Variants in SETD7 observed in about 807,000 individuals in gnomAD.
SETD7 encodes SET domain containing 7, histone lysine methyltransferase, also known as histone-lysine N-methyltransferase SETD7.
Under a neutral mutation model 41.8 loss-of-function variants are expected in SETD7, and 16 were observed. The observed-to-expected ratio is 0.38, with a 90% CI of 0.26 to 0.58. SETD7 has a LOEUF of 0.58. SETD7 is among the 20% of genes least tolerant of loss of function. The pLI, the probability that SETD7 is intolerant of heterozygous loss-of-function variation, is 0.64. For synonymous variants in SETD7, 163 were observed against 169.7 expected (o/e 0.96, Z 0.31); for missense variants, 346 against 459.7 (o/e 0.75, Z 2.26).
In SETD7 at chr4:139,511,543, G is replaced by C; in HGVS notation, c.*120C>G. The C allele has an allele frequency of 6.4e-7, 1 of 1,559,808 alleles. No homozygotes were observed. The highest frequency in any genetic ancestry group is 1.2e-5 in the South Asian group (1 of 83,312). Reference sequence around the variant, plus strand: ...AGTATGCGAGAAAGTCGTTGCTAACGCATGGTGAGAGGATGTGACGTCACA... The same window carrying C: ...AGTATGCGAGAAAGTCGTTGCTAACCCATGGTGAGAGGATGTGACGTCACA... On this transcript the variant is annotated 3_prime_UTR_variant, in exon 8 of 8. Coordinates refer to ENST00000274031, the MANE Select transcript of SETD7 (RefSeq NM_030648.4).
At chr4:139,545,716 A>G (rs528593250) in intron 2 of SETD7, among the ~76,000 whole-genome samples, 197 of 152,300 alleles carry the variant, frequency 1.3e-3, no homozygotes, top group African/African-American at 4.6e-3. Flanking sequence ...GCCTGCAGAA[A>G]AGGGATTCTG....
chr4:139,524,655 G>C (rs1291048989), intron 4 of SETD7, among the ~76,000 whole-genome samples: 1 of 152,218 alleles, frequency 6.6e-6, no homozygotes, highest in East Asian at 1.9e-4. Flanking sequence ...GCCAAACTCA[G>C]ACAGAAGTCA....
At chr4:139,515,950 A>G (rs1380937744) in intron 7 of SETD7, among the ~76,000 whole-genome samples, 3 of 152,218 alleles carry the variant, frequency 2.0e-5, no homozygotes, top group African/African-American at 7.2e-5. Flanking sequence ...CAAGCTAAGG[A>G]GAGCAACGAT....
At chr4:139,533,740 G>T (rs1486431335) in intron 2 of SETD7, among the ~76,000 whole-genome samples, 1 of 152,352 alleles carries the variant, frequency 6.6e-6, no homozygotes, top group East Asian at 1.9e-4. Context: ...TCCCTCAAGA[G>T]TGCTCCAGAA....
rs924654951 is a variant in SETD7, at chr4:139,508,786, A to G, written c.*2877T>C. ...CAGCAGATGTAAAGTAGAAAAATAC[A>G]TTCTGAGTATTCTTTTCCACTTGCG... is the stretch of plus-strand genomic sequence containing the variant. On this transcript the variant is annotated 3_prime_UTR_variant, in exon 8 of 8. Coordinates refer to ENST00000274031, the MANE Select transcript of SETD7 (RefSeq NM_030648.4). The G allele has an allele frequency of 6.6e-6, 1 of 152,252 alleles. No individual in the cohort carries two copies. The highest frequency in any genetic ancestry group is 2.4e-5 in the African/African-American group (1 of 41,470). 9.4% of individuals were successfully genotyped at this position (152,252 alleles called of 1,614,324 possible).
At position 139,556,189 on chromosome 4, in the gene SETD7, T is replaced by C; in HGVS notation, c.-52A>G. The C allele has an allele frequency of 6.4e-7, 1 of 1,552,972 alleles. No individual in the cohort carries two copies. Among genetic ancestry groups the C allele is most frequent in the Non-Finnish European group, 8.7e-7 (1 of 1,148,258 alleles). ...GGGCTGCGCGGCTGCCTCCCGTCCC[T>C]CTGGGTGCTCCCGGCGGCTGAGCGA... On this transcript the variant is annotated 5_prime_UTR_variant, in exon 1 of 8. Transcript: ENST00000274031.
chr4:139,544,191 C>A (rs2111168300), intron 2 of SETD7, among the ~76,000 whole-genome samples: 1 of 151,770 alleles, frequency 6.6e-6, no homozygotes. Context: ...ACTCAGGAAG[C>A]TGAGGTGGGA....
chr4:139,542,580 T>A (rs558075999), intron 2 of SETD7, among the ~76,000 whole-genome samples: 316 of 152,250 alleles, frequency 2.1e-3, no homozygotes, highest in Admixed American at 3.7e-3. Context: ...ACCTTGAATA[T>A]GTTTAGTTAA....
rs1727642705 is a variant in SETD7, at chr4:139,536,582, C to T, written c.171-3216G>A. Among the ~76,000 whole-genome samples, 6 of 151,516 alleles carry T rather than the reference C, an allele frequency of 4.0e-5. No homozygotes were observed. In the South Asian group the frequency reaches 1.3e-3, roughly 32 times the overall value. On this transcript the variant is annotated intron_variant, in intron 2 of 7. Coordinates refer to ENST00000274031, the MANE Select transcript of SETD7 (RefSeq NM_030648.4). ...CAAAAATTAGCCAGGGGTGGTAGCACATGCTTGTAATCACAGCTACTCAGG... is the reference window on the plus strand; with the variant it reads ...CAAAAATTAGCCAGGGGTGGTAGCATATGCTTGTAATCACAGCTACTCAGG...
Position 139,509,987 on chromosome 4 carries a change from C to T in SETD7, c.*1676G>A, listed in dbSNP as rs1343532272. 5 of 654,470 alleles carry T rather than the reference C, an allele frequency of 7.6e-6. No individual in the cohort carries two copies. In the East Asian group the frequency reaches 4.1e-4, roughly 54 times the overall value. 40.5% of individuals were successfully genotyped at this position (654,470 alleles called of 1,614,324 possible). ...GGTGTTGCAAAGAAGGGAAGGGCAA[C>T]TCTGTCAATGTGCCCAAGGGCCACC... On this transcript the variant is annotated 3_prime_UTR_variant, in exon 8 of 8. Coordinates refer to ENST00000274031, the MANE Select transcript of SETD7 (RefSeq NM_030648.4).
intron 4 of SETD7, among the ~76,000 whole-genome samples, chr4:139,525,937 T>C (rs983045527): frequency 1.6e-4 from 25 of 152,234 alleles, no homozygotes; most frequent in Admixed American, 2.0e-4. Context: ...TCAAAACACC[T>C]GAGGTCTGCA....
chr4:139,546,874 A>AAGGGTAC (rs767438932), intron 2 of SETD7, 46 bp downstream of exon 2: 40 of 1,613,164 alleles, frequency 2.5e-5, no homozygotes, highest in Non-Finnish European at 5.1e-6. Flanking sequence ...CTTAACATAA[A>AAGGGTAC]ATAATTCGGT....
rs1478502507 is a variant in SETD7, at chr4:139,511,417, C to T, written c.*246G>A. The T allele has an allele frequency of 1.2e-5, 6 of 507,692 alleles. No individual in the cohort carries two copies. The South Asian group carries it at 1.3e-4, about 11-fold the overall frequency. The allele number at this position is 507,692 out of a possible 1,614,324, so 31.4% of individuals were successfully genotyped here. A position where few individuals can be genotyped will look rare whatever the true frequency, so the allele number is the denominator to read the frequency against. On this transcript the variant is annotated 3_prime_UTR_variant, in exon 8 of 8. Transcript: ENST00000274031. ...AGACTTGAACCACCAAAGAACATCA[C>T]GCTGTCTTATGTCAAATGCTCGACA...
downstream of SETD7, among the ~76,000 whole-genome samples, chr4:139,494,609 G>C (rs985615703): frequency 6.6e-6 from 1 of 152,226 alleles, no homozygotes; most frequent in Non-Finnish European, 1.5e-5. Flanking sequence ...TTCCACTGGA[G>C]TATGGGAAAA....
At chr4:139,503,259 G>T (rs1296976024), downstream of SETD7, among the ~76,000 whole-genome samples, 2 of 151,304 alleles carry the variant, frequency 1.3e-5, no homozygotes, top group African/African-American at 4.9e-5. Context: ...AAAGAGATCA[G>T]TTGATTGGTA....
At chr4:139,551,678 C>G (rs994285251) in intron 1 of SETD7, among the ~76,000 whole-genome samples, 1 of 151,758 alleles carries the variant, frequency 6.6e-6, no homozygotes, top group African/African-American at 2.4e-5. Context: ...AACCAGAGAC[C>G]CTACGCACAC....
In SETD7 at chr4:139,555,109, T is replaced by TA. The variant is rs1389607589; in HGVS notation, c.40+988dup. On this transcript the variant is annotated intron_variant, in intron 1 of 7. Coordinates refer to ENST00000274031, the MANE Select transcript of SETD7 (RefSeq NM_030648.4). The surrounding 1 kb of genome is among the most constrained non-coding windows in gnomAD (Gnocchi z 4.0). ...AAGAGTATTTTCCAGTATTCGCTGTTACAAAATCATAACATCCTATGATAC... is the reference window on the plus strand; with the variant it reads ...AAGAGTATTTTCCAGTATTCGCTGTTAACAAAATCATAACATCCTATGATAC... 2.0e-5 allele frequency among the ~76,000 whole-genome samples: 3 copies of TA among 148,236 alleles called. No individual in the cohort carries two copies. Among genetic ancestry groups the TA allele is most frequent in the Non-Finnish European group, 4.4e-5 (3 of 67,622 alleles).
At position 139,542,653 on chromosome 4, in the gene SETD7, C is replaced by T. The variant is rs1264528395; in HGVS notation, c.170+4267G>A. 5.3e-5 allele frequency among the ~76,000 whole-genome samples: 8 copies of T among 151,488 alleles called. No homozygotes were observed. In the East Asian group the frequency reaches 9.7e-4, roughly 18 times the overall value. ...GGCATGGGTTGGGGTTAAAAAAAAG[C>T]GGGGGGGAGCACTTTCACATTTCTG... On this transcript the variant is annotated intron_variant, in intron 2 of 7. Transcript: ENST00000274031.
intron 2 of SETD7, among the ~76,000 whole-genome samples, chr4:139,544,528 A>C (rs1019997928): frequency 6.6e-6 from 1 of 152,096 alleles, no homozygotes; most frequent in Admixed American, 6.6e-5. Context: ...GCTAGAAGTT[A>C]CTAGCTGGAT....
Sources: gnomAD v4.1 joint callset for allele counts (sites outside exome capture counted in the v4.1 genomes callset) on GRCh38, gnomAD v4.1.1 for gene constraint, Gnocchi (gnomAD v3.1) non-coding constraint, MANE v1.5 for transcripts, NCBI Gene and HGNC (gene_info 2026-07-23, HGNC 2026-07-21) for gene names.